The following PTPRM variants were observed in gnomAD, a reference collection of about 807,000 sequenced individuals.
PTPRM encodes protein tyrosine phosphatase receptor type M, also known as receptor-type tyrosine-protein phosphatase mu.
Under a neutral mutation model 186.7 loss-of-function variants are expected in PTPRM, and 47 were observed. The ratio of observed to expected loss-of-function variants is 0.25; its 90% CI spans 0.20 to 0.32. The LOEUF is 0.32. PTPRM is among the 10% of genes least tolerant of loss of function. The pLI is 1.00. For missense variants in PTPRM, 1,494 were observed against 1,865.0 expected, an observed-to-expected ratio of 0.80 and a Z score of 3.66; for synonymous variants, 668 against 674.9, an observed-to-expected ratio of 0.99 and a Z score of 0.16.
rs539092557 is a variant in PTPRM, at chr18:8,228,831, G to A, written c.2301-15227G>A. Among the ~76,000 whole-genome samples, 158 of 152,122 alleles carry A rather than the reference G, an allele frequency of 1.0e-3. 1 individual carries two copies. Among genetic ancestry groups the A allele is most frequent in the African/African-American group, 3.4e-3 (141 of 41,502 alleles). On this transcript the variant is annotated intron_variant, in intron 14 of 32. Coordinates refer to ENST00000580170, the MANE Select transcript of PTPRM (RefSeq NM_001105244.2). Reference sequence around the variant, plus strand: ...TCACACCACCGCACTCCAGCCTGGCGACACAGCAAGACTCCGTCTCAAAAG... The same window carrying A: ...TCACACCACCGCACTCCAGCCTGGCAACACAGCAAGACTCCGTCTCAAAAG...
Position 7,663,664 on chromosome 18 carries a change from G to T in PTPRM, c.73+95773G>T, listed in dbSNP as rs1598327007. The stretch of plus-strand genomic sequence containing the variant: ...CTCATGTACCATGAAGAGGACAAGG[G>T]CCTTTTGTTTGAAAAGCAGGGTAAA... On this transcript the variant is annotated intron_variant, in intron 1 of 32. Transcript: ENST00000580170. 2.6e-5 allele frequency among the ~76,000 whole-genome samples: 4 copies of T among 152,324 alleles called. No homozygotes were observed. The South Asian group carries it at 8.3e-4, about 32-fold the overall frequency.
intron 3 of PTPRM, among the ~76,000 whole-genome samples, chr18:7,897,953 A>G (rs1400073345): frequency 6.6e-6 from 1 of 152,212 alleles, no homozygotes; most frequent in Non-Finnish European, 1.5e-5. Flanking sequence ...ATAACATTGC[A>G]AGCACTAATA....
intron 1 of PTPRM, chr18:7,751,340 A>C (rs1202297379): frequency 2.0e-5 from 3 of 152,170 alleles, no homozygotes; most frequent in Non-Finnish European, 4.4e-5. Context: ...AAATGTTAGA[A>C]TCTCATTCAA....
At chr18:7,705,324 T>TA (rs1568041090) in intron 1 of PTPRM, among the ~76,000 whole-genome samples, 1 of 149,016 alleles carries the variant, frequency 6.7e-6, no homozygotes, top group African/African-American at 2.4e-5. Flanking sequence ...TCTATCTATC[T>TA]ATCTGTCTAT....
chr18:7,875,886 G>A (rs544549572), intron 2 of PTPRM, among the ~76,000 whole-genome samples: 20 of 152,082 alleles, frequency 1.3e-4, no homozygotes, highest in Non-Finnish European at 1.0e-4. Context: ...AATCGAGATG[G>A]TAGAGCCTAC....
At chr18:7,642,218 G>A (rs989211493) in intron 1 of PTPRM, among the ~76,000 whole-genome samples, 1 of 152,174 alleles carries the variant, frequency 6.6e-6, no homozygotes, top group African/African-American at 2.4e-5. Flanking sequence ...CGTGTTTTAG[G>A]CAAGAAGTTT....
intron 2 of PTPRM, among the ~76,000 whole-genome samples, chr18:7,825,164 G>A (rs963879541): frequency 6.6e-5 from 10 of 152,274 alleles, no homozygotes; most frequent in Non-Finnish European, 1.3e-4. Flanking sequence ...GAACTAAATA[G>A]CATTCCAAAT....
At chr18:8,174,221 G>C (rs558698953) in intron 14 of PTPRM, among the ~76,000 whole-genome samples, 9 of 152,072 alleles carry the variant, frequency 5.9e-5, no homozygotes, top group Non-Finnish European at 1.3e-4. Flanking sequence ...CCCTAACCTG[G>C]TGGTCTTTCA....
intron 5 of PTPRM, among the ~76,000 whole-genome samples, chr18:7,934,208 G>A (rs886540007): frequency 6.6e-6 from 1 of 152,112 alleles, no homozygotes; most frequent in Non-Finnish European, 1.5e-5. Context: ...TCCACCTTTT[G>A]TAAAGAATGT....
intron 1 of PTPRM, among the ~76,000 whole-genome samples, chr18:7,582,524 C>T (rs78134752): frequency 0.015 from 2,241 of 152,224 alleles, 54 homozygotes; most frequent in African/African-American, 0.051. Flanking sequence ...AGTCCTCACT[C>T]CTTGGTATGT....
intron 14 of PTPRM, among the ~76,000 whole-genome samples, chr18:8,151,936 G>T (rs1051981514): frequency 6.6e-6 from 1 of 151,974 alleles, no homozygotes; most frequent in Non-Finnish European, 1.5e-5. Context: ...TGCACTTCCC[G>T]GGTGAGATGA....
intron 1 of PTPRM, among the ~76,000 whole-genome samples, chr18:7,772,736 G>A (rs1159766538): frequency 1.3e-5 from 2 of 152,004 alleles, no homozygotes; most frequent in Non-Finnish European, 2.9e-5. Context: ...TTTTTGCTCT[G>A]AGGTTGGACA....
intron 14 of PTPRM, among the ~76,000 whole-genome samples, chr18:8,164,805 T>C (rs2093293969): frequency 6.6e-6 from 1 of 152,240 alleles, no homozygotes; most frequent in Non-Finnish European, 1.5e-5. Context: ...CATGACTCAA[T>C]GCCACTGAAT....
intron 17 of PTPRM, among the ~76,000 whole-genome samples, chr18:8,248,871 A>G (rs1346090767): frequency 1.6e-4 from 25 of 152,246 alleles, no homozygotes. Flanking sequence ...CCGGTGGGGC[A>G]GAATGCATTT....
At chr18:8,353,401 A>G (rs1448904915) in intron 23 of PTPRM, among the ~76,000 whole-genome samples, 3 of 152,180 alleles carry the variant, frequency 2.0e-5, no homozygotes, top group Non-Finnish European at 4.4e-5. Flanking sequence ...AGGCTGAGAA[A>G]GGCTATGGAA....
rs747180286 is a variant in PTPRM, at chr18:8,358,244, G to GACAC, written c.3055-12645_3055-12642dup. ...AGGTTCTTCCCAAATGTATGCACAT[G>GACAC]ACACGCACACACACACACACACACA... On this transcript the variant is annotated intron_variant, in intron 23 of 32. Coordinates refer to ENST00000580170, the MANE Select transcript of PTPRM (RefSeq NM_001105244.2). Among the ~76,000 whole-genome samples the GACAC allele has an allele frequency of 4.5e-4, 37 of 82,324 alleles. No individual in the cohort carries two copies. The South Asian group carries it at 6.8e-3, about 15-fold the overall frequency. The allele number at this position is 82,324 out of a possible 152,430, so 54.0% of individuals were successfully genotyped here. A position where few individuals can be genotyped will look rare whatever the true frequency, so the allele number is the denominator to read the frequency against.
intron 22 of PTPRM, among the ~76,000 whole-genome samples, chr18:8,339,888 A>G (rs994752280): frequency 2.6e-5 from 4 of 152,156 alleles, no homozygotes; most frequent in Non-Finnish European, 2.9e-5. Context: ...ATCTTGGGAA[A>G]TGATTTGAAA....
At chr18:7,754,581 G>T (rs2041378128) in intron 1 of PTPRM, among the ~76,000 whole-genome samples, 2 of 152,196 alleles carry the variant, frequency 1.3e-5, no homozygotes, top group African/African-American at 4.8e-5. Flanking sequence ...TTGCCAAGCA[G>T]TCATGCCACT....
chr18:8,308,208 C>T (rs980474265), intron 20 of PTPRM, among the ~76,000 whole-genome samples: 1 of 152,160 alleles, frequency 6.6e-6, no homozygotes, highest in Non-Finnish European at 1.5e-5. Flanking sequence ...GAGAGCCACA[C>T]CTACAAGTGT....
Sources: gnomAD v4.1 joint callset for allele counts (sites outside exome capture counted in the v4.1 genomes callset) on GRCh38, gnomAD v4.1.1 for gene constraint, MANE v1.5 for transcripts, NCBI Gene and HGNC (gene_info 2026-07-23, HGNC 2026-07-21) for gene names.